RHBDF1: variants seen among roughly 807,000 people sequenced by gnomAD.
RHBDF1 encodes inactive rhomboid protein 1.
Under a neutral mutation model 98.6 loss-of-function variants are expected in RHBDF1, and 80 were observed. The observed-to-expected ratio is 0.81, with a 90% CI of 0.68 to 0.98. The LOEUF is 0.98. RHBDF1 is among the 50% of genes least tolerant of loss of function. The probability of loss-of-function intolerance (pLI) is 0.00; values close to 1 mark genes in which losing one functional copy is unlikely to be tolerated. For synonymous variants in RHBDF1, 512 were observed against 486.8 expected, an observed-to-expected ratio of 1.05 and a Z score of -0.68; for missense variants, 1,116 against 1,198.3, an observed-to-expected ratio of 0.93 and a Z score of 1.01.
upstream of RHBDF1, among the ~76,000 whole-genome samples, chr16:73,049 C>G (rs1358971336): frequency 6.6e-6 from 1 of 152,300 alleles, no homozygotes; most frequent in Middle Eastern, 3.4e-3. Context: ...GTATCCCACA[C>G]TCACCCAATC....
rs1472504805 is a variant in RHBDF1, at chr16:61,673, G to A, written c.1232C>T (p.Thr411Ile). 6.2e-7 allele frequency: 1 copy of A among 1,613,388 alleles called. No individual in the cohort carries two copies. Among genetic ancestry groups the A allele is most frequent in the Non-Finnish European group, 8.5e-7 (1 of 1,179,932 alleles). Residue 411 changes from threonine (T) to isoleucine (I), a missense_variant, in exon 9 of 18, where the codon ACC becomes ATC. Thr to Ile is a moderately conservative substitution (Grantham distance 89). Transcript: ENST00000262316. ...GATGGTGACGAGCGAGTGCACGAAG[G>A]TAAGCCAGTAGGTGAAGAAGGGCCT... The part of the protein sequence containing the change: ...DHRPFFTYWL[T>I]FVHSLVTILA...
In RHBDF1 at chr16:64,685, G is replaced by C. The variant is rs1267504692; in HGVS notation, c.248+14C>G. The stretch of plus-strand genomic sequence containing the variant: ...CAGCTCCCACCCCATGGAGCAGCTG[G>C]GCGGTGTTGGTACCTGCGGATGGTC... On this transcript the variant is annotated intron_variant, in intron 3 of 17. Transcript: ENST00000262316. The C allele has an allele frequency of 6.2e-7, 1 of 1,600,696 alleles. No individual in the cohort carries two copies. Among genetic ancestry groups the C allele is most frequent in the Non-Finnish European group, 8.5e-7 (1 of 1,170,874 alleles).
upstream of RHBDF1, among the ~76,000 whole-genome samples, chr16:73,278 C>T (rs1261978549): frequency 6.6e-6 from 1 of 152,128 alleles, no homozygotes; most frequent in Non-Finnish European, 1.5e-5. Context: ...GGACCACAGT[C>T]ATTACCCCTC....
At chr16:71,876 G>GTCCC (rs1196006927) in intron 1 of RHBDF1, among the ~76,000 whole-genome samples, 2 of 152,258 alleles carry the variant, frequency 1.3e-5, no homozygotes, top group East Asian at 3.8e-4. Context: ...GTTGGCCTCT[G>GTCCC]CGCACAGAGT....
At position 58,690 on chromosome 16, in the gene RHBDF1, T is replaced by C. The variant is rs1278495317; in HGVS notation, c.2218A>G (p.Ile740Val). Residue 740 changes from isoleucine to valine, a missense_variant, in exon 18 of 18, where the codon ATC (isoleucine) becomes GTC (valine). Transcript: ENST00000262316. ...AAGGCACGCCAGGGCCGCGCCAGGA[T>C]CTGCCAGCTCTGGAAGAGCTCCACG... ...LFVELFQSWQ[I>V]LARPWRAFFK... 4 of 1,613,016 alleles carry C rather than the reference T, an allele frequency of 2.5e-6. No individual in the cohort carries two copies. The highest frequency in any genetic ancestry group is 3.4e-6 in the Non-Finnish European group (4 of 1,179,946).
chr16:61,288 G>A lies in RHBDF1; in HGVS notation c.1396-7C>T. 4 of 1,543,356 alleles carry A rather than the reference G, an allele frequency of 2.6e-6. No individual in the cohort carries two copies. The highest frequency in any genetic ancestry group is 3.5e-6 in the Non-Finnish European group (4 of 1,143,712). On this transcript the variant is annotated splice_region_variant and splice_polypyrimidine_tract_variant and intron_variant, in intron 10 of 17. Transcript: ENST00000262316. ...CCAGGTGGATGAGGGCCTCCTGCGG[G>A]CGAGGGAGACGAGCGGCCGCAGTCC... is the stretch of plus-strand genomic sequence containing the variant.
intron 1 of RHBDF1, among the ~76,000 whole-genome samples, chr16:65,742 A>T (rs1567117558): frequency 6.6e-6 from 1 of 152,202 alleles, no homozygotes; most frequent in African/African-American, 2.4e-5. Flanking sequence ...GCATAGAGTC[A>T]CCACATTCAG....
rs757374739 is a variant in RHBDF1, at chr16:58,649, A to G, written c.2259T>C (p.Ala753=). The part of the protein sequence containing the change: ...RPWRAFFKLL[A]VVLFLFTFGL... ...CAAAGGTGAAGAGGAAGAGCACCAC[A>G]GCCAGCAGCTTGAAGAAGGCACGCC... The change falls in exon 18 of 18, where the codon GCT becomes GCC. Residue 753 remains alanine (A), a synonymous_variant. Transcript: ENST00000262316. 4.3e-6 allele frequency: 7 copies of G among 1,613,294 alleles called. No homozygotes were observed. The highest frequency in any genetic ancestry group is 4.5e-5 in the East Asian group (2 of 44,896).
Position 62,530 on chromosome 16 carries a change from G to C in RHBDF1, c.953+8C>G, listed in dbSNP as rs369717181. ...TCTCTGCCCCTCTTCCCTGCCTGCC[G>C]CACTCACAGCATCAGGTGGCTGCGC... On this transcript the variant is annotated splice_region_variant and intron_variant, in intron 7 of 17. Coordinates refer to ENST00000262316, the MANE Select transcript of RHBDF1 (RefSeq NM_022450.5). 3 of 1,610,992 alleles carry C rather than the reference G, an allele frequency of 1.9e-6. No individual in the cohort carries two copies. Among genetic ancestry groups the C allele is most frequent in the Middle Eastern group, 1.7e-4 (1 of 6,044 alleles).
In RHBDF1 at chr16:60,530, C is replaced by T; in HGVS notation, c.1567G>A (p.Ala523Thr). 6.2e-7 allele frequency: 1 copy of T among 1,607,820 alleles called. No homozygotes were observed. Among genetic ancestry groups the T allele is most frequent in the South Asian group, 1.1e-5 (1 of 91,070 alleles). The change falls in exon 12 of 18, where the codon GCA becomes ACA. Residue 523 changes from alanine (A) to threonine (T), a missense_variant. Ala to Thr is a moderately conservative substitution (Grantham distance 58). Coordinates refer to ENST00000262316, the MANE Select transcript of RHBDF1 (RefSeq NM_022450.5). Reference protein sequence around the residue: ...TSEEECSSTLAVWVKWPIHPS... With the variant: ...TSEEECSSTLTVWVKWPIHPS... ...TGGATGGGCCACTTCACCCACACTG[C>T]CAGCGTGGACTGTGGGAGGGGGACA...
chr16:67,953 A>C (rs1004055779), intron 1 of RHBDF1, among the ~76,000 whole-genome samples: 1 of 151,646 alleles, frequency 6.6e-6, no homozygotes, highest in Admixed American at 6.6e-5. Context: ...GGGGAACCTG[A>C]CCTCCCCAGG....
chr16:58,720 G>C lies in RHBDF1; in HGVS notation c.2188C>G (p.Leu730Val), dbSNP rs759328950. 6.2e-7 allele frequency: 1 copy of C among 1,612,870 alleles called. No individual in the cohort carries two copies. The highest frequency in any genetic ancestry group is 2.2e-5 in the East Asian group (1 of 44,878). ...AGSQFGILAC[L>V]FVELFQSWQI... is the part of the protein sequence containing the mutation. Reference sequence around the variant, plus strand: ...CAGCTCTGGAAGAGCTCCACGAAGAGGCAGGCCAGGATGCCGAACTGGGAG... The same window carrying C: ...CAGCTCTGGAAGAGCTCCACGAAGACGCAGGCCAGGATGCCGAACTGGGAG... The change falls in exon 18 of 18, where the codon CTC becomes GTC. Residue 730 changes from leucine to valine, a missense_variant. Leu to Val is a conservative substitution (Grantham distance 32, BLOSUM62 1). Coordinates refer to ENST00000262316, the MANE Select transcript of RHBDF1 (RefSeq NM_022450.5).
chr16:61,811 T>C lies in RHBDF1; in HGVS notation c.1195A>G (p.Met399Val). The change falls in exon 8 of 18, where the codon ATG becomes GTG. Residue 399 changes from methionine to valine, a missense_variant. By Grantham distance (21) the Met-to-Val change is conservative (BLOSUM62 1). Coordinates refer to ENST00000262316, the MANE Select transcript of RHBDF1 (RefSeq NM_022450.5). Reference sequence around the variant, plus strand: ...TGCCACGCCTACCTGTGGTCGTCCATGTCCTCGATCTGGCGCTTGACGAAG... The same window carrying C: ...TGCCACGCCTACCTGTGGTCGTCCACGTCCTCGATCTGGCGCTTGACGAAG... ...DSFVKRQIEDMDDHRPFFTYW... is the reference protein window; with the variant it reads ...DSFVKRQIEDVDDHRPFFTYW... 6.2e-7 allele frequency: 1 copy of C among 1,612,266 alleles called. No homozygotes were observed. Among genetic ancestry groups the C allele is most frequent in the Non-Finnish European group, 8.5e-7 (1 of 1,179,346 alleles).
chr16:62,570 G>A lies in RHBDF1; in HGVS notation c.921C>T (p.Asp307=), dbSNP rs1181952659. The A allele has an allele frequency of 6.2e-7, 1 of 1,613,372 alleles. No homozygotes were observed. The highest frequency in any genetic ancestry group is 2.2e-5 in the East Asian group (1 of 44,872). ...GGTGGCTGCGCTCAAGCTCGCTGCG[G>A]TCCAGGGCCCCGCCGGTGAGGTCCG... ...EQADLTGGAL[D]RSELERSHLM... is the part of the protein sequence containing the mutation. Residue 307 remains aspartate, a synonymous_variant, in exon 7 of 18, where the codon GAC becomes GAT. Transcript: ENST00000262316.
chr16:61,121 G>A lies in RHBDF1; in HGVS notation c.1556C>T (p.Ser519Leu). 1.3e-6 allele frequency: 2 copies of A among 1,526,884 alleles called. No homozygotes were observed. The highest frequency in any genetic ancestry group is 2.5e-5 in the East Asian group (1 of 40,496). 94.6% of individuals were successfully genotyped at this position (1,526,884 alleles called of 1,614,324 possible). A position where few individuals can be genotyped will look rare whatever the true frequency, so the allele number is the denominator to read the frequency against. The part of the protein sequence containing the change: ...GCVQTSEEEC[S>L]STLAVWVKWP... ...GGAGTCCCGGGCGGGGAAACGCACC[G>A]AGCACTCCTCCTCCGAGGTCTGCAC... Residue 519 changes from serine (S) to leucine (L), a missense_variant and splice_region_variant, in exon 11 of 18, where the codon TCG becomes TTG. Physicochemically the swap from Ser to Leu is moderately radical, Grantham distance 145. Transcript: ENST00000262316.
chr16:70,742 C>T (rs1701033183), intron 1 of RHBDF1, among the ~76,000 whole-genome samples: 1 of 152,208 alleles, frequency 6.6e-6, no homozygotes, highest in South Asian at 2.1e-4. Context: ...CCAGGAGCTG[C>T]AGTGGAAGGG....
intron 13 of RHBDF1, 34 bp from the exon 14 acceptor site, chr16:59,860 C>A: frequency 5.0e-6 from 8 of 1,613,682 alleles, no homozygotes; most frequent in Non-Finnish European, 6.8e-6. Flanking sequence ...TGAGTCAGGG[C>A]CTCCCCCAAC....
chr16:61,829 T>A lies in RHBDF1; in HGVS notation c.1177A>T (p.Lys393Ter). The change falls in exon 8 of 18, where the codon AAG (lysine) becomes TAG (stop). Residue 393 changes from lysine to a stop codon, truncating the protein, a stop_gained. Transcript: ENST00000262316. LOFTEE classifies it high-confidence loss of function. The stretch of plus-strand genomic sequence containing the variant: ...TCGTCCATGTCCTCGATCTGGCGCT[T>A]GACGAAGCTGTCGATGCGCTTGCGG... ...TYRKRIDSFVKRQIEDMDDHR... is the reference protein window; with the variant it reads ...TYRKRIDSFV 1 of 1,612,674 alleles carries A rather than the reference T, an allele frequency of 6.2e-7. No homozygotes were observed. Among genetic ancestry groups the A allele is most frequent in the Non-Finnish European group, 8.5e-7 (1 of 1,179,780 alleles).
chr16:61,045 CT>C, intron 11 of RHBDF1, 74 bp downstream of exon 11: 1 of 1,452,028 alleles, frequency 6.9e-7, no homozygotes, highest in South Asian at 1.3e-5. Context: ...AAGGATCACT[CT>C]GCCGAGTCTA....
Sources: gnomAD v4.1 joint callset for allele counts (sites outside exome capture counted in the v4.1 genomes callset) on GRCh38, gnomAD v4.1.1 for gene constraint, MANE v1.5 for transcripts, NCBI Gene and HGNC (gene_info 2026-07-23, HGNC 2026-07-21) for gene names.